Variants in SMAD6 observed in about 807,000 individuals in gnomAD.
SMAD6 encodes the protein MAD homolog 6.
SMAD6 carries 103 observed loss-of-function variants against 39.4 expected under a neutral mutation model. That is an observed-to-expected ratio of 2.62 (90% CI 2.23 to 3.08). SMAD6 has a LOEUF of 3.08. SMAD6 is among the 30% of genes most tolerant of loss of function. The pLI is 0.00. For synonymous variants in SMAD6, 445 were observed against 353.3 expected (o/e 1.26, Z -2.91); for missense variants, 1,104 against 742.9 (o/e 1.49, Z -5.65).
At chr15:66,725,188 C>T (rs1408439167) in intron 3 of SMAD6, among the ~76,000 whole-genome samples, 1 of 152,170 alleles carries the variant, frequency 6.6e-6, no homozygotes, top group Non-Finnish European at 1.5e-5. Flanking sequence ...AAACATTTTT[C>T]CTCCATGGCC....
chr15:66,724,077 C>T (rs1893480436), intron 3 of SMAD6, among the ~76,000 whole-genome samples: 1 of 152,170 alleles, frequency 6.6e-6, no homozygotes, highest in Admixed American at 6.5e-5. Flanking sequence ...ACCATATGTT[C>T]TAAGAGTTTG....
chr15:66,770,368 C>T (rs748869783), intron 3 of SMAD6, among the ~76,000 whole-genome samples: 4 of 152,102 alleles, frequency 2.6e-5, no homozygotes, highest in African/African-American at 4.8e-5. Context: ...AAGGCCGGTG[C>T]GGGCACTGGT....
At position 66,703,688 on chromosome 15, in the gene SMAD6, CCCCTGGCCGGGGCGG is replaced by C; in HGVS notation, c.437_451del (p.Ala146_Leu150del). ...CGGCGCGCCCCGGGACGCCAGCGAC[CCCCTGGCCGGGGCGG>C]CCCTGGAGCCGGCGGGCGGCGGGCG... On this transcript the variant is annotated inframe_deletion, in exon 1 of 4. Coordinates refer to ENST00000288840, the MANE Select transcript of SMAD6 (RefSeq NM_005585.5). 1 of 1,250,474 alleles carries C rather than the reference CCCCTGGCCGGGGCGG, an allele frequency of 8.0e-7. No individual in the cohort carries two copies. Among genetic ancestry groups the C allele is most frequent in the Non-Finnish European group, 1.0e-6 (1 of 996,188 alleles). 77.5% of individuals were successfully genotyped at this position (1,250,474 alleles called of 1,614,324 possible).
intron 3 of SMAD6, among the ~76,000 whole-genome samples, chr15:66,731,342 G>C (rs1353441770): frequency 6.6e-6 from 1 of 150,618 alleles, no homozygotes; most frequent in Non-Finnish European, 1.5e-5. Flanking sequence ...GGAGGCTGAG[G>C]CAGGAGAATG....
chr15:66,720,886 T>A (rs1893420509), intron 3 of SMAD6, among the ~76,000 whole-genome samples: 1 of 152,160 alleles, frequency 6.6e-6, no homozygotes, highest in Non-Finnish European at 1.5e-5. Context: ...CCTCTGTGCC[T>A]GGTATCTCAG....
intron 3 of SMAD6, among the ~76,000 whole-genome samples, chr15:66,749,557 G>T (rs892009702): frequency 1.3e-5 from 2 of 152,300 alleles, no homozygotes; most frequent in South Asian, 2.1e-4. Context: ...GTTGGAGGCT[G>T]CAGTGAGACA....
At chr15:66,765,126 G>A (rs572354813) in intron 3 of SMAD6, among the ~76,000 whole-genome samples, 1 of 152,150 alleles carries the variant, frequency 6.6e-6, no homozygotes, top group Non-Finnish European at 1.5e-5. Context: ...CCTCACCCCT[G>A]TTATCCCCAC....
chr15:66,721,975 G>C (rs1893441800), intron 3 of SMAD6, among the ~76,000 whole-genome samples: 1 of 152,170 alleles, frequency 6.6e-6, no homozygotes, highest in African/African-American at 2.4e-5. Flanking sequence ...GAGCATTCCA[G>C]GTATAGCAGA....
At position 66,703,725 on chromosome 15, in the gene SMAD6, G is replaced by T; in HGVS notation, c.467G>T (p.Gly156Val). Residue 156 changes from glycine (G) to valine (V), a missense_variant, in exon 1 of 4, where the codon GGG (glycine) becomes GTG (valine). Physicochemically the swap from Gly to Val is moderately radical, Grantham distance 109. Coordinates refer to ENST00000288840, the MANE Select transcript of SMAD6 (RefSeq NM_005585.5). ...GCGGCCCTGGAGCCGGCGGGCGGCG[G>T]GCGGAGTCGCGAAGCGCGCTCGCGG... ...AGAALEPAGGGRSREARSRLL... is the reference protein window; with the variant it reads ...AGAALEPAGGVRSREARSRLL... 7.4e-7 allele frequency: 1 copy of T among 1,357,082 alleles called. No individual in the cohort carries two copies. The allele number at this position is 1,357,082 out of a possible 1,614,324, so 84.1% of individuals were successfully genotyped here. A position where few individuals can be genotyped will look rare whatever the true frequency, so the allele number is the denominator to read the frequency against.
At chr15:66,773,719 A>G (rs1894417989) in intron 3 of SMAD6, among the ~76,000 whole-genome samples, 1 of 152,188 alleles carries the variant, frequency 6.6e-6, no homozygotes, top group African/African-American at 2.4e-5. Flanking sequence ...AGGAGGCCTC[A>G]GTGCAGCCCT....
chr15:66,724,440 C>G (rs982394943), intron 3 of SMAD6, among the ~76,000 whole-genome samples: 4 of 152,122 alleles, frequency 2.6e-5, no homozygotes, highest in African/African-American at 9.7e-5. Flanking sequence ...TCTCTAAGTG[C>G]CATAAATATA....
chr15:66,767,581 T>C lies in SMAD6; in HGVS notation c.953-13416T>C, dbSNP rs561234430. Among the ~76,000 whole-genome samples the C allele has an allele frequency of 3.9e-5, 6 of 152,364 alleles. No homozygotes were observed. The South Asian group carries it at 6.2e-4, about 16-fold the overall frequency. On this transcript the variant is annotated intron_variant, in intron 3 of 3. Transcript: ENST00000288840. Reference sequence around the variant, plus strand: ...GTCACAGAGAATAGACGGGTGGCCATGGCAGAGCCATGTACTTCTGCCAAG... The same window carrying C: ...GTCACAGAGAATAGACGGGTGGCCACGGCAGAGCCATGTACTTCTGCCAAG...
chr15:66,708,989 G>C (rs12915166), intron 1 of SMAD6, among the ~76,000 whole-genome samples: 4 of 152,028 alleles, frequency 2.6e-5, no homozygotes, highest in African/African-American at 9.7e-5. Flanking sequence ...GGCCTCCCCT[G>C]TAACACCTGC....
At chr15:66,730,756 G>A (rs747698833) in intron 3 of SMAD6, among the ~76,000 whole-genome samples, 6 of 152,202 alleles carry the variant, frequency 3.9e-5, no homozygotes, top group Non-Finnish European at 7.3e-5. Flanking sequence ...CCAACAAGAC[G>A]AGTTCTATTG....
intron 3 of SMAD6, among the ~76,000 whole-genome samples, chr15:66,753,276 C>T (rs1211743988): frequency 1.3e-5 from 2 of 152,266 alleles, no homozygotes; most frequent in East Asian, 3.9e-4. Context: ...AGAGGGTGTG[C>T]CCAGGGAGGG....
chr15:66,764,775 G>T (rs1894260642), intron 3 of SMAD6, among the ~76,000 whole-genome samples: 1 of 152,100 alleles, frequency 6.6e-6, no homozygotes. Context: ...CATCATTTTT[G>T]TCCTTCTTTG....
intron 3 of SMAD6, among the ~76,000 whole-genome samples, chr15:66,780,632 C>T (rs1344884350): frequency 6.6e-6 from 1 of 152,172 alleles, no homozygotes; most frequent in Non-Finnish European, 1.5e-5. Flanking sequence ...CACAGTCAGC[C>T]CCTCCTTTGG....
chr15:66,705,883 C>T (rs763452331), intron 1 of SMAD6: 2 of 151,370 alleles, frequency 1.3e-5, no homozygotes, highest in Non-Finnish European at 2.9e-5. Flanking sequence ...ACAGCTCCAA[C>T]CTGGAGCCGG....
chr15:66,731,649 A>T (rs1348120982), intron 3 of SMAD6, among the ~76,000 whole-genome samples: 1 of 152,150 alleles, frequency 6.6e-6, no homozygotes, highest in Non-Finnish European at 1.5e-5. Context: ...TCTTGGATGG[A>T]CATTTGGGTT....
Sources: gnomAD v4.1 joint callset for allele counts (sites outside exome capture counted in the v4.1 genomes callset) on GRCh38, gnomAD v4.1.1 for gene constraint, MANE v1.5 for transcripts, NCBI Gene and HGNC (gene_info 2026-07-23, HGNC 2026-07-21) for gene names.